Variants in VAV2 observed in about 807,000 individuals in gnomAD.
VAV2 encodes the protein guanine nucleotide exchange factor VAV2.
Under a neutral mutation model 132.5 loss-of-function variants are expected in VAV2, and 67 were observed. The observed-to-expected ratio is 0.51, with a 90% CI of 0.42 to 0.62. VAV2 has a LOEUF of 0.62. Among genes scored for constraint, VAV2 ranks in the 20% least tolerant of loss-of-function variants. The pLI, the probability that VAV2 is intolerant of heterozygous loss-of-function variation, is 0.00. For missense variants in VAV2, 938 were observed against 1,153.6 expected (o/e 0.81, Z 2.71); for synonymous variants, 492 against 443.5 (o/e 1.11, Z -1.37).
intron 4 of VAV2, among the ~76,000 whole-genome samples, chr9:133,819,888 G>A (rs1178544359): frequency 2.6e-5 from 4 of 152,052 alleles, no homozygotes; most frequent in Non-Finnish European, 5.9e-5. Context: ...TAAAGAAGTG[G>A]TTTTTCAAAA....
rs983096933 is a variant in VAV2 at position 133,840,034 on chromosome 9, C to T, written c.381-5694G>A. ...TCAGGCACCAGCTGATTTTCCTTCCCGCACTTACCCCTAGCGTCCCCTACC... is the reference window on the plus strand; with the variant it reads ...TCAGGCACCAGCTGATTTTCCTTCCTGCACTTACCCCTAGCGTCCCCTACC... On this transcript the variant is annotated intron_variant, in intron 3 of 29. Coordinates refer to ENST00000371850, the MANE Select transcript of VAV2 (RefSeq NM_001134398.2). The surrounding 1 kb of genome is among the most constrained non-coding windows in gnomAD (Gnocchi z 4.5). 1.3e-5 allele frequency among the ~76,000 whole-genome samples: 2 copies of T among 152,150 alleles called. No homozygotes were observed. The highest frequency in any genetic ancestry group is 2.4e-5 in the African/African-American group (1 of 41,428).
At chr9:133,856,539 C>T (rs1226304675) in intron 3 of VAV2, among the ~76,000 whole-genome samples, 1 of 152,038 alleles carries the variant, frequency 6.6e-6, no homozygotes, top group Admixed American at 6.5e-5. Flanking sequence ...CATAGCTGGG[C>T]CTTCAGACAG....
At chr9:133,837,623 C>T (rs982232058) in intron 3 of VAV2, among the ~76,000 whole-genome samples, 4 of 151,636 alleles carry the variant, frequency 2.6e-5, no homozygotes, top group Non-Finnish European at 5.9e-5. Context: ...TGCTTGAACC[C>T]GGGAGGCGGA....
At chr9:133,923,520 T>C (rs541594059) in intron 2 of VAV2, among the ~76,000 whole-genome samples, 6 of 152,192 alleles carry the variant, frequency 3.9e-5, no homozygotes, top group Admixed American at 1.3e-4. Context: ...TGTGGAGAAA[T>C]AGGAACGCTT....
chr9:133,907,182 T>C (rs1023819977), intron 2 of VAV2, among the ~76,000 whole-genome samples: 1 of 152,204 alleles, frequency 6.6e-6, no homozygotes, highest in Non-Finnish European at 1.5e-5. Context: ...CAGCCCACGC[T>C]GGGCACACAG....
At chr9:133,939,430 G>C in intron 1 of VAV2, 1 of 594,176 alleles carries the variant, frequency 1.7e-6, no homozygotes, top group Non-Finnish European at 3.0e-6. Flanking sequence ...CTGGATGGAA[G>C]TGGAAGCAGG....
chr9:133,775,125 G>C, intron 24 of VAV2, 74 bp from the exon 25 acceptor site: 1 of 1,276,336 alleles, frequency 7.8e-7, no homozygotes, highest in Non-Finnish European at 1.1e-6. Context: ...CCCTCCGTGC[G>C]TGGCAGGCCA....
At chr9:133,851,255 G>A (rs1010472945) in intron 3 of VAV2, among the ~76,000 whole-genome samples, 1 of 152,232 alleles carries the variant, frequency 6.6e-6, no homozygotes, top group African/African-American at 2.4e-5. Flanking sequence ...CCAGGTGGGT[G>A]CCGGGAGATC....
At chr9:133,948,412 G>A (rs1048241655) in intron 1 of VAV2, among the ~76,000 whole-genome samples, 6 of 152,178 alleles carry the variant, frequency 3.9e-5, no homozygotes, top group Admixed American at 6.5e-5. Flanking sequence ...TGATCTGGAG[G>A]AGTGGGGTGG....
At position 133,797,803 on chromosome 9, in the gene VAV2, C is replaced by T; in HGVS notation, c.843G>A (p.Leu281=). ...TGTGGCTGCAGTACTCCCCGTAGAT[C>T]AGAAGCCTGGACGGTGCACACACAC... ...KVFLDFKERL[L]IYGEYCSHME... is the part of the protein sequence containing the mutation. Residue 281 remains leucine, a synonymous_variant, in exon 10 of 30, where the codon CTG becomes CTA. Transcript: ENST00000371850. 1 of 1,613,980 alleles carries T rather than the reference C, an allele frequency of 6.2e-7. No homozygotes were observed. The highest frequency in any genetic ancestry group is 8.5e-7 in the Non-Finnish European group (1 of 1,179,906).
At position 133,834,172 on chromosome 9, in the gene VAV2, G is replaced by T; in HGVS notation, c.449+100C>A. Reference sequence around the variant, plus strand: ...GGAAGGGCCAGGGCCAGCTCTGCCTGCACTGTGGCCGCCATGTTTCCTCCT... The same window carrying T: ...GGAAGGGCCAGGGCCAGCTCTGCCTTCACTGTGGCCGCCATGTTTCCTCCT... On this transcript the variant is annotated intron_variant, in intron 4 of 29. Transcript: ENST00000371850. This position sits in a 1 kb window ranked among gnomAD's most constrained non-coding sequence, Gnocchi z 5.9. 5 of 1,369,716 alleles carry T rather than the reference G, an allele frequency of 3.7e-6. No individual in the cohort carries two copies. Among genetic ancestry groups the T allele is most frequent in the Non-Finnish European group, 4.0e-6 (4 of 993,966 alleles). The allele number at this position is 1,369,716 out of a possible 1,614,324, so 84.8% of individuals were successfully genotyped here. A position where few individuals can be genotyped will look rare whatever the true frequency, so the allele number is the denominator to read the frequency against.
At chr9:133,911,461 C>A (rs1011303754) in intron 2 of VAV2, among the ~76,000 whole-genome samples, 1 of 152,190 alleles carries the variant, frequency 6.6e-6, no homozygotes, top group African/African-American at 2.4e-5. Flanking sequence ...GATCCACAGA[C>A]GATAAGCTGC....
chr9:133,769,581 G>C lies in VAV2; in HGVS notation c.2348-78C>G. ...GTCACGGTGGGCACAGCTACAGGCC[G>C]GGGGGCATGGGGTGGGGCAGGCCCT... is the stretch of plus-strand genomic sequence containing the variant. On this transcript the variant is annotated intron_variant, in intron 27 of 29. Coordinates refer to ENST00000371850, the MANE Select transcript of VAV2 (RefSeq NM_001134398.2). The surrounding 1 kb of genome is among the most constrained non-coding windows in gnomAD (Gnocchi z 8.1). 1 of 1,425,320 alleles carries C rather than the reference G, an allele frequency of 7.0e-7. No individual in the cohort carries two copies. The allele number at this position is 1,425,320 out of a possible 1,614,324, so 88.3% of individuals were successfully genotyped here. A position where few individuals can be genotyped will look rare whatever the true frequency, so the allele number is the denominator to read the frequency against.
intron 12 of VAV2, among the ~76,000 whole-genome samples, chr9:133,792,517 GGTGTGTGTTATTGT>G (rs1564352096): frequency 6.7e-6 from 1 of 148,398 alleles, no homozygotes; most frequent in Non-Finnish European, 1.5e-5. Context: ...CGTGTGATTG[GGTGTGTGTTATTGT>G]GTGTGTGTAT....
At chr9:133,783,940 GC>G (rs901228963) in intron 18 of VAV2, among the ~76,000 whole-genome samples, 1 of 149,702 alleles carries the variant, frequency 6.7e-6, no homozygotes, top group Non-Finnish European at 1.5e-5. Context: ...GAGTGCAGTG[GC>G]GACATCACAG....
chr9:133,989,462 G>A (rs1258610470), intron 1 of VAV2, among the ~76,000 whole-genome samples: 1 of 151,616 alleles, frequency 6.6e-6, no homozygotes, highest in African/African-American at 2.4e-5. Flanking sequence ...GGAGGTTGCA[G>A]TGAGCCGGGA....
intron 1 of VAV2, among the ~76,000 whole-genome samples, chr9:133,954,120 C>G (rs1434790066): frequency 6.6e-5 from 10 of 152,194 alleles, no homozygotes. Context: ...AGCACTGCGC[C>G]TGTCTGCTGC....
intron 3 of VAV2, among the ~76,000 whole-genome samples, chr9:133,841,289 C>T (rs1241358674): frequency 6.6e-6 from 1 of 151,860 alleles, no homozygotes; most frequent in African/African-American, 2.4e-5. Flanking sequence ...CACACCACCA[C>T]CGCCCCAGGA....
intron 2 of VAV2, among the ~76,000 whole-genome samples, chr9:133,911,561 C>T (rs1030031101): frequency 3.9e-5 from 6 of 152,182 alleles, no homozygotes; most frequent in Non-Finnish European, 7.4e-5. Flanking sequence ...ACATATTCAC[C>T]GGCCCCAAAA....
Sources: gnomAD v4.1 joint callset for allele counts (sites outside exome capture counted in the v4.1 genomes callset) on GRCh38, gnomAD v4.1.1 for gene constraint, Gnocchi (gnomAD v3.1) non-coding constraint, MANE v1.5 for transcripts, NCBI Gene and HGNC (gene_info 2026-07-23, HGNC 2026-07-21) for gene names.